The following MYH2 variants were observed in gnomAD, a reference collection of about 807,000 sequenced individuals.
MYH2 encodes myosin heavy chain 2.
Under a neutral mutation model 228.1 loss-of-function variants are expected in MYH2, and 139 were observed. The ratio of observed to expected loss-of-function variants is 0.61; its 90% CI spans 0.53 to 0.70. The LOEUF (loss-of-function observed/expected upper bound fraction) is 0.70. Among genes scored for constraint, MYH2 ranks in the 30% least tolerant of loss-of-function variants. The pLI, the probability that MYH2 is intolerant of heterozygous loss-of-function variation, is 0.00. For missense variants in MYH2, 1,809 were observed against 2,357.5 expected (o/e 0.77, Z 4.82); for synonymous variants, 796 against 871.1 (o/e 0.91, Z 1.52).
At chr17:10,541,183 G>T (rs2073549102) in intron 10 of MYH2, among the ~76,000 whole-genome samples, 1 of 152,186 alleles carries the variant, frequency 6.6e-6, no homozygotes, top group Non-Finnish European at 1.5e-5. Context: ...GGGAACAAGG[G>T]AGATAACCAT....
chr17:10,527,158 C>A, intron 28 of MYH2, 102 bp from the exon 29 acceptor site: 1 of 1,041,286 alleles, frequency 9.6e-7, no homozygotes, highest in South Asian at 1.3e-5. Context: ...AAATTGAGTG[C>A]TCAGATGGTT....
At position 10,543,992 on chromosome 17, in the gene MYH2, A is replaced by C; in HGVS notation, c.558T>G (p.Thr186=). The C allele has an allele frequency of 6.2e-7, 1 of 1,614,226 alleles. No homozygotes were observed. The highest frequency in any genetic ancestry group is 8.5e-7 in the Non-Finnish European group (1 of 1,180,028). Residue 186 remains threonine, a synonymous_variant, in exon 7 of 40, where the codon ACT becomes ACG. Transcript: ENST00000245503. ...LITGESGAGK[T]VNTKRVIQYF... ...ACTGGATGACACGCTTGGTGTTCACAGTCTTCCCTGCACCAGATTCTCCAC... is the reference window on the plus strand; with the variant it reads ...ACTGGATGACACGCTTGGTGTTCACCGTCTTCCCTGCACCAGATTCTCCAC...
intron 4 of MYH2, 125 bp from the exon 5 acceptor site, chr17:10,545,627 C>T: frequency 9.3e-6 from 12 of 1,296,894 alleles, no homozygotes; most frequent in South Asian, 1.3e-5. Flanking sequence ...TGCAGTGGTG[C>T]TACCTCAGCT....
rs2073371857 is a variant in MYH2 at position 10,527,771 on chromosome 17, C to G, written c.3848G>C (p.Arg1283Thr). ...ACCAGATTCAGTCTGCAGGCGCCCC[C>G]TCTGCGCAGTCAGGTCATTGATCAG... ...QRLINDLTAQ[R>T]GRLQTESGEF... Residue 1283 changes from arginine (R) to threonine (T), a missense_variant, in exon 28 of 40, where the codon AGG (arginine) becomes ACG (threonine). Around this residue, in one of 9 missense-constraint regions of MYH2, gnomAD observed 636 missense variants for 729.9 expected, o/e 0.87. Transcript: ENST00000245503. 2 of 1,614,152 alleles carry G rather than the reference C, an allele frequency of 1.2e-6. No individual in the cohort carries two copies. The highest frequency in any genetic ancestry group is 8.5e-7 in the Non-Finnish European group (1 of 1,180,030).
chr17:10,533,348 C>T lies in MYH2; in HGVS notation c.2378G>A (p.Arg793Gln), dbSNP rs578188627. ...GAACCCTCTGCACCTGGCCTGGGTT[C>T]GGGTAATCAGCTGGGCCAGCTTGTC... ...RDDKLAQLITRTQARCRGFLA... is the reference protein window; with the variant it reads ...RDDKLAQLITQTQARCRGFLA... The change falls in exon 21 of 40, where the codon CGA becomes CAA. Residue 793 changes from arginine to glutamine, a missense_variant. By Grantham distance (43) the Arg-to-Gln change is conservative. This residue lies in a region of MYH2 where 276 missense variants were observed against 344.2 expected (regional missense o/e 0.80). Coordinates refer to ENST00000245503, the MANE Select transcript of MYH2 (RefSeq NM_017534.6). 2.6e-5 allele frequency: 42 copies of T among 1,614,202 alleles called. No individual in the cohort carries two copies. In the East Asian group the frequency reaches 3.3e-4, roughly 13 times the overall value.
At chr17:10,548,518 G>A (rs1478144566) in intron 2 of MYH2, among the ~76,000 whole-genome samples, 1 of 152,158 alleles carries the variant, frequency 6.6e-6, no homozygotes, top group Non-Finnish European at 1.5e-5. Context: ...TTGAAGTTCA[G>A]TGGCTTATTG....
chr17:10,545,306 C>A, intron 5 of MYH2, 40 bp downstream of exon 5: 1 of 1,612,102 alleles, frequency 6.2e-7, no homozygotes, highest in South Asian at 1.1e-5. Flanking sequence ...TGGTTCTGCT[C>A]TAAAGGTTTA....
At chr17:10,530,575 T>A (rs544179547) in intron 22 of MYH2, among the ~76,000 whole-genome samples, 1 of 152,042 alleles carries the variant, frequency 6.6e-6, no homozygotes, top group East Asian at 1.9e-4. Flanking sequence ...CTGATTATGA[T>A]GTACTAAATT....
chr17:10,536,346 A>C (rs552261251), intron 17 of MYH2, among the ~76,000 whole-genome samples, 184 bp downstream of exon 17: 72 of 152,320 alleles, frequency 4.7e-4, no homozygotes, highest in African/African-American at 1.7e-3. Context: ...AGAAAAGACG[A>C]GGGGAATTTT....
rs754737116 is a variant in MYH2, at chr17:10,537,319, AG to A, written c.1810del (p.Leu604Ter). On this transcript the variant is annotated frameshift_variant, in exon 16 of 40. Coordinates refer to ENST00000245503, the MANE Select transcript of MYH2 (RefSeq NM_017534.6). LOFTEE classifies it high-confidence loss of function. This position sits in a 1 kb window ranked among gnomAD's most constrained non-coding sequence, Gnocchi z 4.0. ...TGWLEKNKDP[L>X]NETVVGLYQK... is the part of the protein sequence containing the mutation. ...GTACAGTCCAACCACGGTCTCATTC[AG>A]GGGGTCCTTGTTCTTCTCCAGCCAG... 6.2e-7 allele frequency: 1 copy of A among 1,614,192 alleles called. No individual in the cohort carries two copies. Among genetic ancestry groups the A allele is most frequent in the South Asian group, 1.1e-5 (1 of 91,080 alleles).
rs199537007 is a variant in MYH2, at chr17:10,524,749, A to G, written c.4971+8T>C. The G allele has an allele frequency of 7.9e-5, 128 of 1,614,184 alleles. No homozygotes were observed. The highest frequency in any genetic ancestry group is 9.9e-5 in the Non-Finnish European group (117 of 1,180,034). On this transcript the variant is annotated splice_region_variant and intron_variant, in intron 34 of 39. Transcript: ENST00000245503. The surrounding 1 kb of genome is among the most constrained non-coding windows in gnomAD (Gnocchi z 4.7). ...ATAGTCCTGGGACCATCTCTTGGAC[A>G]TATTTACCTTGAGGATGCCTTGGGT...
At chr17:10,548,779 A>G (rs1452752799) in intron 2 of MYH2, among the ~76,000 whole-genome samples, 2 of 152,190 alleles carry the variant, frequency 1.3e-5, no homozygotes, top group African/African-American at 4.8e-5. Flanking sequence ...TGCCAGTGGT[A>G]TCAGTAGAAT....
In MYH2 at chr17:10,527,045, G is replaced by A. The variant is rs370424529; in HGVS notation, c.3883C>T (p.Arg1295Cys). 2.3e-5 allele frequency: 37 copies of A among 1,613,894 alleles called. No homozygotes were observed. The highest frequency in any genetic ancestry group is 1.3e-4 in the East Asian group (6 of 44,872). The change falls in exon 29 of 40, where the codon CGC becomes TGC. Residue 1295 changes from arginine (R) to cysteine (C), a missense_variant. Coordinates refer to ENST00000245503, the MANE Select transcript of MYH2 (RefSeq NM_017534.6). ...AGAGCTTCCTTTTCATCAAGCTGGC[G>A]TGAAAACTCACCTGATGGACAAAAG... The part of the protein sequence containing the change: ...RLQTESGEFS[R>C]QLDEKEALVS...
chr17:10,540,172 G>GTTCCTTGTCTCCCATT, intron 11 of MYH2, 106 bp from the exon 12 acceptor site: 1 of 1,484,678 alleles, frequency 6.7e-7, no homozygotes, highest in South Asian at 1.1e-5. Flanking sequence ...GTGCTAATGG[G>GTTCCTTGTCTCCCATT]AGACAAGGAA....
chr17:10,535,106 G>C lies in MYH2; in HGVS notation c.2147C>G (p.Pro716Arg). 6.2e-7 allele frequency: 1 copy of C among 1,614,098 alleles called. No individual in the cohort carries two copies. The highest frequency in any genetic ancestry group is 1.3e-5 in the African/African-American group (1 of 75,024). ...GAAGTCTGCATAAAGGATTCTGCTT[G>C]GAAATCCTTTCCTACAGATGCGGAT... Reference protein sequence around the residue: ...EGIRICRKGFPSRILYADFKQ... With the variant: ...EGIRICRKGFRSRILYADFKQ... The change falls in exon 19 of 40, where the codon CCA becomes CGA. Residue 716 changes from proline (P) to arginine (R), a missense_variant. Physicochemically the swap from Pro to Arg is moderately radical, Grantham distance 103. Transcript: ENST00000245503.
In MYH2 at chr17:10,540,059, A is replaced by G; in HGVS notation, c.1016T>C (p.Ile339Thr). The G allele has an allele frequency of 1.9e-6, 3 of 1,614,048 alleles. No individual in the cohort carries two copies. Among genetic ancestry groups the G allele is most frequent in the Non-Finnish European group, 1.7e-6 (2 of 1,179,990 alleles). Residue 339 changes from isoleucine to threonine, a missense_variant, in exon 12 of 40, where the codon ATT becomes ACT. Ile to Thr is a moderately conservative substitution (Grantham distance 89, BLOSUM62 -1). This residue lies in a region of MYH2 where 373 missense variants were observed against 620.4 expected (regional missense o/e 0.60). Coordinates refer to ENST00000245503, the MANE Select transcript of MYH2 (RefSeq NM_017534.6). ...QEELMATDSA[I>T]DILGFTNEEK... ...TTCATTAGTAAAGCCCAAAATATCA[A>G]TAGCACTCTGTCAATATAACCAATA... is the stretch of plus-strand genomic sequence containing the variant.
At position 10,523,798 on chromosome 17, in the gene MYH2, G is replaced by T; in HGVS notation, c.5262C>A (p.Ala1754=). ...QGEMEDILQE[A]RNAEEKAKKA... is the part of the protein sequence containing the mutation. ...TCTTGGCCTTTTCTTCTGCATTGCGGGCTTCCTGGAGAATGTCCTCCATCT... is the reference window on the plus strand; with the variant it reads ...TCTTGGCCTTTTCTTCTGCATTGCGTGCTTCCTGGAGAATGTCCTCCATCT... The change falls in exon 36 of 40, where the codon GCC becomes GCA. Residue 1754 remains alanine (A), a synonymous_variant. Coordinates refer to ENST00000245503, the MANE Select transcript of MYH2 (RefSeq NM_017534.6). 1 of 1,614,174 alleles carries T rather than the reference G, an allele frequency of 6.2e-7. No homozygotes were observed.
In MYH2 at chr17:10,525,553, C is replaced by T; in HGVS notation, c.4435G>A (p.Glu1479Lys). Residue 1479 changes from glutamate to lysine, a missense_variant, in exon 32 of 40, where the codon GAG (glutamate) becomes AAG (lysine). By Grantham distance (56) the Glu-to-Lys change is moderately conservative (BLOSUM62 1). Coordinates refer to ENST00000245503, the MANE Select transcript of MYH2 (RefSeq NM_017534.6). This position sits in a 1 kb window ranked among gnomAD's most constrained non-coding sequence, Gnocchi z 4.2. ...AGCTCAGTGCCAAGGGAACGGGCCT[C>T]CTTCTGGGAGGCCTCAAGCTCAGCA... ...THAELEASQK[E>K]ARSLGTELFK... The T allele has an allele frequency of 5.0e-6, 8 of 1,614,188 alleles. No homozygotes were observed. Among genetic ancestry groups the T allele is most frequent in the Non-Finnish European group, 6.8e-6 (8 of 1,180,034 alleles).
chr17:10,541,044 GA>G (rs1171362049), intron 10 of MYH2, among the ~76,000 whole-genome samples: 2 of 152,128 alleles, frequency 1.3e-5, no homozygotes, highest in African/African-American at 2.4e-5. Context: ...TTCATAAACT[GA>G]GGATGAATGT....
Sources: allele counts gnomAD v4.1 joint callset (sites outside exome capture counted in the v4.1 genomes callset), GRCh38; gene constraint gnomAD v4.1.1; regional missense constraint gnomAD v4.1.1; non-coding constraint Gnocchi (gnomAD v3.1); transcripts MANE v1.5; gene names NCBI Gene and HGNC (gene_info 2026-07-23, HGNC 2026-07-21).